IQGAP2: variants seen among roughly 807,000 people sequenced by gnomAD.
IQGAP2 encodes the protein IQ motif containing GTPase activating protein 2, also known as ras GTPase-activating-like protein IQGAP2.
IQGAP2 carries 173 observed loss-of-function variants against 201.3 expected under a neutral mutation model. That is an observed-to-expected ratio of 0.86 (90% CI 0.76 to 0.98). IQGAP2 has a LOEUF of 0.98. Ranked by LOEUF, IQGAP2 falls within the 50% of genes least tolerant of loss-of-function variation. IQGAP2 has a pLI of 0.00. For missense variants in IQGAP2, 1,687 were observed against 1,864.8 expected (o/e 0.90, Z 1.76); for synonymous variants, 675 against 673.9 (o/e 1.00, Z -0.03).
In IQGAP2 at chr5:76,440,542, G is replaced by A. The variant is rs554596193; in HGVS notation, c.47-21028G>A. Among the ~76,000 whole-genome samples the A allele has an allele frequency of 7.9e-5, 12 of 152,288 alleles. No homozygotes were observed. The South Asian group carries it at 1.0e-3, about 13-fold the overall frequency. ...TTTGAAAGATAGGATATTTATTTCT[G>A]TGTGTGATCTCTTGACTTACAAATA... On this transcript the variant is annotated intron_variant, in intron 1 of 35. Transcript: ENST00000274364.
chr5:76,666,019 C>A (rs1326299537), intron 22 of IQGAP2, among the ~76,000 whole-genome samples: 2 of 152,192 alleles, frequency 1.3e-5, no homozygotes, highest in African/African-American at 4.8e-5. Context: ...ATGCTTAGAT[C>A]TTTGTTTGAG....
chr5:76,532,241 G>A (rs537789426), intron 2 of IQGAP2, among the ~76,000 whole-genome samples: 128 of 152,206 alleles, frequency 8.4e-4, no homozygotes, highest in African/African-American at 2.9e-3. Context: ...GCATGCTGGC[G>A]CATGTCTATA....
intron 2 of IQGAP2, among the ~76,000 whole-genome samples, chr5:76,496,234 T>C (rs1756883197): frequency 6.6e-6 from 1 of 152,210 alleles, no homozygotes; most frequent in African/African-American, 2.4e-5. Context: ...CTCAGAAATG[T>C]GGGCATAGCT....
chr5:76,483,199 A>G (rs115921633), intron 2 of IQGAP2, among the ~76,000 whole-genome samples: 1,910 of 152,328 alleles, frequency 0.013, 46 homozygotes, highest in African/African-American at 0.044. Context: ...TAGCATAAAT[A>G]GAGGTGGAGT....
At chr5:76,682,064 TAA>T (rs1362899221) in intron 28 of IQGAP2, among the ~76,000 whole-genome samples, 7 of 152,228 alleles carry the variant, frequency 4.6e-5, no homozygotes, top group African/African-American at 1.4e-4. Flanking sequence ...AAAGAAGAGA[TAA>T]TGGAGAGTGA....
intron 1 of IQGAP2, among the ~76,000 whole-genome samples, chr5:76,416,865 A>G (rs751304138): frequency 1.1e-4 from 17 of 149,742 alleles, no homozygotes; most frequent in Non-Finnish European, 2.2e-4. Context: ...ATCTTACTCT[A>G]TCACCCAGGC....
intron 2 of IQGAP2, among the ~76,000 whole-genome samples, chr5:76,544,668 G>C (rs937725343): frequency 6.6e-6 from 1 of 152,130 alleles, no homozygotes; most frequent in African/African-American, 2.4e-5. Flanking sequence ...CAGAGTGAGT[G>C]GTTGCTTAAT....
At chr5:76,434,236 G>T (rs1752532007) in intron 1 of IQGAP2, among the ~76,000 whole-genome samples, 1 of 152,068 alleles carries the variant, frequency 6.6e-6, no homozygotes, top group Non-Finnish European at 1.5e-5. Context: ...AGGGTTTTTG[G>T]TATGTGGATG....
chr5:76,595,074 T>C (rs1438015992), intron 9 of IQGAP2, among the ~76,000 whole-genome samples: 1 of 152,020 alleles, frequency 6.6e-6, no homozygotes, highest in Non-Finnish European at 1.5e-5. Flanking sequence ...ATAGCAACCA[T>C]AGTAATAGCA....
At chr5:76,481,556 G>A (rs1316162376) in intron 2 of IQGAP2, among the ~76,000 whole-genome samples, 1 of 151,704 alleles carries the variant, frequency 6.6e-6, no homozygotes, top group Non-Finnish European at 1.5e-5. Context: ...CTAATTTTTT[G>A]TATTTTTAGT....
intron 2 of IQGAP2, among the ~76,000 whole-genome samples, chr5:76,557,596 C>T (rs1744036624): frequency 6.6e-6 from 1 of 152,152 alleles, no homozygotes; most frequent in Non-Finnish European, 1.5e-5. Flanking sequence ...GCTTGGAAAA[C>T]TTTCTTTTTA....
chr5:76,403,559 A>C lies in IQGAP2; in HGVS notation c.14A>C (p.Glu5Ala), dbSNP rs1208609108. The change falls in exon 1 of 36, where the codon GAG (glutamate) becomes GCG (alanine). Residue 5 changes from glutamate to alanine, a missense_variant. Physicochemically the swap from Glu to Ala is moderately radical, Grantham distance 107 (BLOSUM62 -1). Transcript: ENST00000274364. The surrounding 1 kb of genome is among the most constrained non-coding windows in gnomAD (Gnocchi z 4.8). MPHE[E>A]LPSLQRPRYG... ...GAGACGCGCAGGATGCCACACGAAG[A>C]GCTGCCGTCGCTGCAGAGACCCCGC... The C allele has an allele frequency of 1.3e-6, 2 of 1,536,218 alleles. No homozygotes were observed. The highest frequency in any genetic ancestry group is 1.7e-6 in the Non-Finnish European group (2 of 1,147,670).
chr5:76,650,262 G>T (rs144490802), intron 17 of IQGAP2, among the ~76,000 whole-genome samples: 44 of 152,344 alleles, frequency 2.9e-4, no homozygotes, highest in African/African-American at 9.6e-4. Context: ...ATTTGTATTT[G>T]TGTGTACAAT....
chr5:76,454,510 C>A (rs922391953), intron 1 of IQGAP2, among the ~76,000 whole-genome samples: 17 of 148,192 alleles, frequency 1.1e-4, no homozygotes, highest in African/African-American at 4.2e-4. Flanking sequence ...TCTCATTGTT[C>A]ATTTCCCACC....
chr5:76,419,643 A>G (rs1475559287), intron 1 of IQGAP2, among the ~76,000 whole-genome samples: 1 of 150,710 alleles, frequency 6.6e-6, no homozygotes, highest in Non-Finnish European at 1.5e-5. Context: ...TGTCCTCACT[A>G]GGGTATTCTT....
At chr5:76,466,081 C>T (rs912516229) in intron 2 of IQGAP2, among the ~76,000 whole-genome samples, 22 of 152,098 alleles carry the variant, frequency 1.4e-4, no homozygotes, top group African/African-American at 4.8e-4. Context: ...TTGTGCTTAT[C>T]TTCCAGCACT....
intron 2 of IQGAP2, among the ~76,000 whole-genome samples, chr5:76,540,808 GC>G (rs1170624580): frequency 2.0e-5 from 3 of 152,124 alleles, no homozygotes; most frequent in African/African-American, 7.2e-5. Context: ...ATACATGATG[GC>G]CCCGGGGAAG....
intron 17 of IQGAP2, among the ~76,000 whole-genome samples, chr5:76,652,444 T>TTTA (rs3217250): frequency 0.5 from 75,956 of 151,796 alleles, 19,416 homozygotes; most frequent in Non-Finnish European, 0.56. Context: ...GAAATTCCAT[T>TTTA]TTACTCCTTT....
chr5:76,625,561 C>T (rs1464890531), intron 13 of IQGAP2, among the ~76,000 whole-genome samples: 2 of 152,180 alleles, frequency 1.3e-5, no homozygotes, highest in Non-Finnish European at 2.9e-5. Context: ...TAGTCTGCCG[C>T]ATAGCTAGAG....
Sources: allele counts gnomAD v4.1 joint callset (sites outside exome capture counted in the v4.1 genomes callset), GRCh38; gene constraint gnomAD v4.1.1; non-coding constraint Gnocchi (gnomAD v3.1); transcripts MANE v1.5; gene names NCBI Gene and HGNC (gene_info 2026-07-23, HGNC 2026-07-21).